RNF216: variants seen among roughly 807,000 people sequenced by gnomAD.
The protein encoded by RNF216 is E3 ubiquitin-protein ligase RNF216.
RNF216 carries 72 observed loss-of-function variants against 110.8 expected under a neutral mutation model. The observed-to-expected ratio is 0.65, with a 90% CI of 0.54 to 0.79. The LOEUF (loss-of-function observed/expected upper bound fraction) is 0.79, where lower values mean the gene tolerates loss of function less well. Among genes scored for constraint, RNF216 ranks in the 30% least tolerant of loss-of-function variants. The probability of loss-of-function intolerance (pLI) is 0.00; values close to 1 mark genes in which losing one functional copy is unlikely to be tolerated. For synonymous variants in RNF216, 495 were observed against 407.5 expected (o/e 1.21, Z -2.59); for missense variants, 1,342 against 1,141.2 (o/e 1.18, Z -2.54).
chr7:5,625,977 C>T (rs2128556149), intron 15 of RNF216, among the ~76,000 whole-genome samples: 1 of 152,346 alleles, frequency 6.6e-6, no homozygotes, highest in African/African-American at 2.4e-5. Flanking sequence ...AGTCTGTTTT[C>T]AGCAAAAGGA....
intron 13 of RNF216, among the ~76,000 whole-genome samples, chr7:5,691,248 C>T (rs899791943): frequency 2.0e-5 from 3 of 152,324 alleles, no homozygotes; most frequent in Admixed American, 2.0e-4. Context: ...CCTGACACCT[C>T]GCCACTCGGG....
At chr7:5,733,167 G>C (rs1429713031) in intron 5 of RNF216, 2 of 152,176 alleles carry the variant, frequency 1.3e-5, no homozygotes, top group Non-Finnish European at 2.9e-5. Context: ...ACTGTCCTAG[G>C]AGTCCAGAGA....
intron 12 of RNF216, 137 bp downstream of exon 12, chr7:5,712,578 T>C (rs1792779694): frequency 2.4e-5 from 19 of 795,806 alleles, no homozygotes; most frequent in Non-Finnish European, 3.7e-5. Context: ...GTAAAATTAT[T>C]GATAATCTTA....
rs1792716476 is a variant in RNF216, at chr7:5,711,852, C to G, written c.1983-13G>C. ...ACAGGACGGGCACCTAGAGTCAGAA[C>G]AGCAGAACTGACATTACTTCAAACA... On this transcript the variant is annotated splice_polypyrimidine_tract_variant and intron_variant, in intron 12 of 16. Transcript: ENST00000389902. 1.2e-6 allele frequency: 2 copies of G among 1,611,768 alleles called. No individual in the cohort carries two copies. The highest frequency in any genetic ancestry group is 1.7e-6 in the Non-Finnish European group (2 of 1,178,282).
rs773316583 is a variant in RNF216, at chr7:5,741,089, C to G, written c.928G>C (p.Glu310Gln). 6.2e-7 allele frequency: 1 copy of G among 1,614,008 alleles called. No individual in the cohort carries two copies. The highest frequency in any genetic ancestry group is 1.3e-5 in the African/African-American group (1 of 74,910). Residue 310 changes from glutamate to glutamine, a missense_variant, in exon 4 of 17, where the codon GAG (glutamate) becomes CAG (glutamine). Glu to Gln is a conservative substitution (Grantham distance 29, BLOSUM62 2). Transcript: ENST00000389902. ...EDQQLASDDE[E>Q]PGPAFPMQES... ...TGCATTGGAAAGGCTGGACCTGGCTCTTCATCATCACTTGCTAACTGCTGG... is the reference window on the plus strand; with the variant it reads ...TGCATTGGAAAGGCTGGACCTGGCTGTTCATCATCACTTGCTAACTGCTGG...
chr7:5,627,486 G>A (rs182272743), intron 15 of RNF216, among the ~76,000 whole-genome samples: 563 of 152,288 alleles, frequency 3.7e-3, no homozygotes, highest in Non-Finnish European at 6.1e-3. Context: ...GGTGGTTCAC[G>A]CCTGTAACCC....
chr7:5,677,497 G>C (rs907717614), intron 13 of RNF216, among the ~76,000 whole-genome samples: 2 of 152,186 alleles, frequency 1.3e-5, no homozygotes, highest in African/African-American at 2.4e-5. Flanking sequence ...AAGCCATATC[G>C]AAAGGCCACT....
intron 14 of RNF216, among the ~76,000 whole-genome samples, chr7:5,651,329 C>T (rs1205905683): frequency 1.3e-5 from 2 of 151,070 alleles, no homozygotes; most frequent in African/African-American, 2.4e-5. Context: ...CTGGTTCAAG[C>T]AATTCTCTTG....
At chr7:5,670,564 T>G (rs1160104309) in intron 13 of RNF216, among the ~76,000 whole-genome samples, 1 of 152,214 alleles carries the variant, frequency 6.6e-6, no homozygotes, top group Non-Finnish European at 1.5e-5. Context: ...GAAATGTTTA[T>G]GAGCAAGAAA....
intron 15 of RNF216, among the ~76,000 whole-genome samples, chr7:5,637,386 A>G (rs1414968364): frequency 6.6e-6 from 1 of 152,232 alleles, no homozygotes; most frequent in South Asian, 2.1e-4. Context: ...TCACTGGGTC[A>G]TAAGCTTTGT....
intron 1 of RNF216, among the ~76,000 whole-genome samples, chr7:5,771,891 A>G (rs776399703): frequency 2.6e-5 from 4 of 152,182 alleles, no homozygotes; most frequent in Non-Finnish European, 4.4e-5. Context: ...AGGCCAATAA[A>G]TAAATGAAAA....
chr7:5,717,600 A>T (rs1385056569), intron 9 of RNF216, among the ~76,000 whole-genome samples: 3 of 152,146 alleles, frequency 2.0e-5, no homozygotes, highest in Admixed American at 1.3e-4. Flanking sequence ...AAAAACCTGG[A>T]AACAACCCTA....
At chr7:5,689,275 T>C (rs1791177290) in intron 13 of RNF216, among the ~76,000 whole-genome samples, 1 of 149,522 alleles carries the variant, frequency 6.7e-6, no homozygotes, top group Non-Finnish European at 1.5e-5. Context: ...GTTTGTGAGG[T>C]ATAGGAAAAG....
Position 5,712,702 on chromosome 7 carries a change from C to G in RNF216, c.1982+13G>C, listed in dbSNP as rs759514977. On this transcript the variant is annotated intron_variant, in intron 12 of 16. Coordinates refer to ENST00000389902, the MANE Select transcript of RNF216 (RefSeq NM_207111.4). ...AAGAGTTGGCAGATGGCACGCTCTGCCTGAGAACGAACCTGACAAGCTCGT... is the reference window on the plus strand; with the variant it reads ...AAGAGTTGGCAGATGGCACGCTCTGGCTGAGAACGAACCTGACAAGCTCGT... 6.2e-7 allele frequency: 1 copy of G among 1,613,854 alleles called. No individual in the cohort carries two copies. The highest frequency in any genetic ancestry group is 1.1e-5 in the South Asian group (1 of 91,068).
At position 5,741,414 on chromosome 7, in the gene RNF216, G is replaced by C. The variant is rs150011164; in HGVS notation, c.603C>G (p.Ser201=). Residue 201 remains serine (S), a synonymous_variant, in exon 4 of 17, where the codon TCC becomes TCG. Transcript: ENST00000389902. ...ATAACAGCTCTGTCTCTGAGTCTTCGGATGACTGGTTCTGAGTTTCCAAAG... is the reference window on the plus strand; with the variant it reads ...ATAACAGCTCTGTCTCTGAGTCTTCCGATGACTGGTTCTGAGTTTCCAAAG... The part of the protein sequence containing the change: ...SDPLETQNQS[S]EDSETELLSN... 1.6e-4 allele frequency: 259 copies of C among 1,614,094 alleles called. No homozygotes were observed. Among genetic ancestry groups the C allele is most frequent in the Middle Eastern group, 4.9e-4 (3 of 6,062 alleles).
At chr7:5,716,413 C>T (rs1793066856) in intron 10 of RNF216, among the ~76,000 whole-genome samples, 1 of 152,140 alleles carries the variant, frequency 6.6e-6, no homozygotes, top group South Asian at 2.1e-4. Context: ...TGAGGTTAGA[C>T]ATACCTCGTT....
At chr7:5,772,691 T>C (rs888835826) in intron 1 of RNF216, among the ~76,000 whole-genome samples, 2 of 151,936 alleles carry the variant, frequency 1.3e-5, no homozygotes, top group Non-Finnish European at 2.9e-5. Flanking sequence ...TTATAGATAC[T>C]ATCAAAATAT....
chr7:5,685,419 G>A (rs1053445083), intron 13 of RNF216, among the ~76,000 whole-genome samples: 3 of 152,318 alleles, frequency 2.0e-5, no homozygotes, highest in Admixed American at 1.3e-4. Flanking sequence ...AAGCCAGGGT[G>A]TAAGGGAGGA....
intron 13 of RNF216, among the ~76,000 whole-genome samples, chr7:5,707,537 A>T (rs1792369852): frequency 6.6e-6 from 1 of 151,958 alleles, no homozygotes. Flanking sequence ...GAAATTGCAG[A>T]TTTTTCTATG....
Sources: allele counts gnomAD v4.1 joint callset (sites outside exome capture counted in the v4.1 genomes callset), GRCh38; gene constraint gnomAD v4.1.1; transcripts MANE v1.5; gene names NCBI Gene and HGNC (gene_info 2026-07-23, HGNC 2026-07-21).